Variants in KCNQ5 observed in about 807,000 individuals in gnomAD.
KCNQ5 encodes potassium voltage-gated channel subfamily Q member 5, also known as potassium voltage-gated channel subfamily KQT member 5.
Under a neutral mutation model 98.2 loss-of-function variants are expected in KCNQ5, and 30 were observed. That is an observed-to-expected ratio of 0.31 (90% CI 0.23 to 0.41). The LOEUF is 0.41. KCNQ5 is among the 10% of genes least tolerant of loss of function. The pLI, the probability that KCNQ5 is intolerant of heterozygous loss-of-function variation, is 1.00. For synonymous variants in KCNQ5, 458 were observed against 449.4 expected (o/e 1.02, Z -0.24); for missense variants, 835 against 1,182.5 (o/e 0.71, Z 4.31).
chr6:73,152,295 A>G (rs879561120), intron 10 of KCNQ5, among the ~76,000 whole-genome samples: 5 of 152,078 alleles, frequency 3.3e-5, no homozygotes, highest in African/African-American at 4.8e-5. Flanking sequence ...CTGTTATTTG[A>G]AAGTTGGACT....
At chr6:72,684,907 C>T (rs1309308693) in intron 1 of KCNQ5, among the ~76,000 whole-genome samples, 1 of 151,654 alleles carries the variant, frequency 6.6e-6, no homozygotes, top group Non-Finnish European at 1.5e-5. Context: ...TTTCTGAGGC[C>T]CCTAGGCATT....
intron 1 of KCNQ5, among the ~76,000 whole-genome samples, chr6:72,988,909 G>C (rs867041017): frequency 1.5e-5 from 1 of 68,336 alleles, no homozygotes; most frequent in Non-Finnish European, 2.8e-5. Context: ...TGCGTTGTTT[G>C]GTTTTTTGTT....
chr6:72,650,966 T>C (rs1467997181), intron 1 of KCNQ5, among the ~76,000 whole-genome samples: 1 of 152,058 alleles, frequency 6.6e-6, no homozygotes, highest in African/African-American at 2.4e-5. Flanking sequence ...GTCAGCCTAT[T>C]TTAAGAGGGC....
intron 2 of KCNQ5, among the ~76,000 whole-genome samples, chr6:73,025,213 G>T (rs968838830): frequency 6.6e-6 from 1 of 152,180 alleles, no homozygotes; most frequent in Non-Finnish European, 1.5e-5. Flanking sequence ...CAAAATTGGA[G>T]AAAAGGATGG....
chr6:72,837,202 A>G (rs1317624736), intron 1 of KCNQ5, among the ~76,000 whole-genome samples: 1 of 152,212 alleles, frequency 6.6e-6, no homozygotes, highest in Non-Finnish European at 1.5e-5. Flanking sequence ...GATGAAGTAA[A>G]ATAATAGTAT....
At chr6:73,054,302 T>C (rs1265567689) in intron 3 of KCNQ5, among the ~76,000 whole-genome samples, 1 of 151,908 alleles carries the variant, frequency 6.6e-6, no homozygotes, top group African/African-American at 2.4e-5. Context: ...CTGAAACTAT[T>C]CCAAAAAACA....
chr6:72,729,014 G>A (rs573502048), intron 1 of KCNQ5, among the ~76,000 whole-genome samples: 3 of 152,120 alleles, frequency 2.0e-5, no homozygotes, highest in African/African-American at 4.8e-5. Flanking sequence ...CAGAATAGTA[G>A]TATACTATAA....
intron 1 of KCNQ5, among the ~76,000 whole-genome samples, chr6:72,926,375 C>A (rs570014002): frequency 1.3e-5 from 2 of 152,288 alleles, no homozygotes; most frequent in African/African-American, 4.8e-5. Flanking sequence ...TCTGCTAAAG[C>A]TTCATTTCTT....
At chr6:72,784,639 G>A (rs1021186709) in intron 1 of KCNQ5, among the ~76,000 whole-genome samples, 4 of 152,104 alleles carry the variant, frequency 2.6e-5, no homozygotes, top group Non-Finnish European at 2.9e-5. Flanking sequence ...CCTCATGTTC[G>A]TCCTCTCATG....
At position 72,622,515 on chromosome 6, in the gene KCNQ5, G is replaced by C; in HGVS notation, c.326G>C (p.Arg109Pro). 6.2e-7 allele frequency: 1 copy of C among 1,603,198 alleles called. No homozygotes were observed. Among genetic ancestry groups the C allele is most frequent in the Non-Finnish European group, 8.5e-7 (1 of 1,175,180 alleles). Reference protein sequence around the residue: ...SQSCRRNVKYRRVQNYLYNVL... With the variant: ...SQSCRRNVKYPRVQNYLYNVL... ...AGCTGCCGGCGCAACGTCAAGTACC[G>C]GCGGGTGCAGAACTACCTGTACAAC... The change falls in exon 1 of 14, where the codon CGG (arginine) becomes CCG (proline). Residue 109 changes from arginine to proline, a missense_variant. By Grantham distance (103) the Arg-to-Pro change is moderately radical (BLOSUM62 -2). Transcript: ENST00000370398. This position sits in a 1 kb window ranked among gnomAD's most constrained non-coding sequence, Gnocchi z 6.0.
intron 2 of KCNQ5, among the ~76,000 whole-genome samples, chr6:73,013,532 A>C (rs539366324): frequency 5.9e-5 from 9 of 152,286 alleles, no homozygotes; most frequent in African/African-American, 2.2e-4. Flanking sequence ...AGCATTTTTT[A>C]AGTACCCTTC....
At chr6:72,652,570 C>T (rs1309558878) in intron 1 of KCNQ5, among the ~76,000 whole-genome samples, 1 of 152,098 alleles carries the variant, frequency 6.6e-6, no homozygotes, top group South Asian at 2.1e-4. Flanking sequence ...TTGTACTGTT[C>T]CCTTTCTTAT....
chr6:72,839,600 C>A (rs999870461), intron 1 of KCNQ5, among the ~76,000 whole-genome samples: 20 of 151,606 alleles, frequency 1.3e-4, no homozygotes, highest in Non-Finnish European at 2.4e-4. Context: ...TGAACCATCT[C>A]CCCTGCAGTT....
intron 1 of KCNQ5, among the ~76,000 whole-genome samples, chr6:72,909,005 G>T (rs968076465): frequency 6.6e-6 from 1 of 151,950 alleles, no homozygotes; most frequent in Non-Finnish European, 1.5e-5. Flanking sequence ...AAAAATATAT[G>T]CATATAATTT....
In KCNQ5 at chr6:72,930,662, C is replaced by T. The variant is rs559784657; in HGVS notation, c.399-73246C>T. On this transcript the variant is annotated intron_variant, in intron 1 of 13. Coordinates refer to ENST00000370398, the MANE Select transcript of KCNQ5 (RefSeq NM_019842.4). The stretch of plus-strand genomic sequence containing the variant: ...TAATTTATGTTAAACTTTAATTAAC[C>T]ATATGCACTACTGCGTGATAATGTG... 1.3e-3 allele frequency among the ~76,000 whole-genome samples: 204 copies of T among 151,180 alleles called. 1 individual carries two copies. The highest frequency in any genetic ancestry group is 4.9e-3 in the African/African-American group (200 of 41,130).
chr6:72,791,252 AATGT>A (rs1774023577), intron 1 of KCNQ5, among the ~76,000 whole-genome samples: 1 of 152,218 alleles, frequency 6.6e-6, no homozygotes, highest in African/African-American at 2.4e-5. Context: ...AGTGTGCTGT[AATGT>A]ATGTCCATGT....
At chr6:73,098,040 A>G (rs1774591195) in intron 5 of KCNQ5, among the ~76,000 whole-genome samples, 1 of 152,160 alleles carries the variant, frequency 6.6e-6, no homozygotes, top group Non-Finnish European at 1.5e-5. Context: ...CAGAGAATGA[A>G]TTCAGAATTT....
intron 1 of KCNQ5, among the ~76,000 whole-genome samples, chr6:72,966,091 G>A (rs544751666): frequency 6.6e-6 from 1 of 152,250 alleles, no homozygotes; most frequent in East Asian, 1.9e-4. Flanking sequence ...AAATACAGAA[G>A]ATAGCATATA....
At position 73,195,059 on chromosome 6, in the gene KCNQ5, T is replaced by C. The variant is rs1204507146; in HGVS notation, c.2444T>C (p.Leu815Pro). The C allele has an allele frequency of 1.2e-6, 2 of 1,614,094 alleles. No individual in the cohort carries two copies. Among genetic ancestry groups the C allele is most frequent in the Admixed American group, 3.3e-5 (2 of 59,996 alleles). ...AGCTTTGACATGGGAGGAGAAACTC[T>C]GTTGTCTGTCTGTCCCATGGTGCCG... ...RKSFDMGGET[L>P]LSVCPMVPKD... is the part of the protein sequence containing the mutation. Residue 815 changes from leucine (L) to proline (P), a missense_variant, in exon 14 of 14, where the codon CTG (leucine) becomes CCG (proline). Leu to Pro is a moderately conservative substitution (Grantham distance 98). Around this residue, in one of 10 missense-constraint regions of KCNQ5, gnomAD observed 416 missense variants for 446.9 expected, o/e 0.93. Transcript: ENST00000370398.
Sources: gnomAD v4.1 joint callset for allele counts (sites outside exome capture counted in the v4.1 genomes callset) on GRCh38, gnomAD v4.1.1 for gene constraint, gnomAD v4.1.1 regional missense constraint, Gnocchi (gnomAD v3.1) non-coding constraint, MANE v1.5 for transcripts, NCBI Gene and HGNC (gene_info 2026-07-23, HGNC 2026-07-21) for gene names.